The following DNAI3 variants were observed in gnomAD, a reference collection of about 807,000 sequenced individuals.
DNAI3 encodes dynein axonemal intermediate chain 3.
Under a neutral mutation model 115.5 loss-of-function variants are expected in DNAI3, and 83 were observed. The ratio of observed to expected loss-of-function variants is 0.72; its 90% confidence interval spans 0.60 to 0.86. DNAI3 has a LOEUF of 0.86. DNAI3 is among the 40% of genes least tolerant of loss of function. The probability of loss-of-function intolerance (pLI) is 0.00; values close to 1 mark genes in which losing one functional copy is unlikely to be tolerated. For synonymous variants in DNAI3, 320 were observed against 347.0 expected (o/e 0.92, Z 0.86); for missense variants, 1,004 against 1,075.8 (o/e 0.93, Z 0.93).
chr1:85,079,266 A>G (rs1429955149), intron 3 of DNAI3, among the ~76,000 whole-genome samples: 2 of 152,336 alleles, frequency 1.3e-5, no homozygotes, highest in East Asian at 3.9e-4. Flanking sequence ...CTTTTGAGGG[A>G]GATAAAAGTG....
intron 16 of DNAI3, among the ~76,000 whole-genome samples, chr1:85,113,583 G>A (rs1393030510): frequency 6.6e-6 from 1 of 151,510 alleles, no homozygotes; most frequent in Non-Finnish European, 1.5e-5. Context: ...ATACGACACT[G>A]TTTTGATTAT....
chr1:85,113,513 CAT>C (rs1261766791), intron 16 of DNAI3, among the ~76,000 whole-genome samples: 7 of 152,132 alleles, frequency 4.6e-5, no homozygotes, highest in Non-Finnish European at 7.4e-5. Context: ...AACACTTGTC[CAT>C]ATATATGTGA....
chr1:85,124,322 A>G (rs1656071840), intron 19 of DNAI3, 71 bp downstream of exon 19: 7 of 1,608,730 alleles, frequency 4.4e-6, no homozygotes, highest in Admixed American at 3.3e-5. Flanking sequence ...AGGAACTGTT[A>G]TGTTCTGACA....
rs1292533646 is a variant in DNAI3 at position 85,085,876 on chromosome 1, A to G, written c.586A>G (p.Ile196Val). 6.2e-7 allele frequency: 1 copy of G among 1,614,212 alleles called. No homozygotes were observed. ...SRKRSEFGAP[I>V]KFSDQNASSV... ...AAAACGAAGTGAATTTGGTGCACCAATTAAGTTCAGTGACCAGAATGCTTC... is the reference window on the plus strand; with the variant it reads ...AAAACGAAGTGAATTTGGTGCACCAGTTAAGTTCAGTGACCAGAATGCTTC... The change falls in exon 7 of 23, where the codon ATT (isoleucine) becomes GTT (valine). Residue 196 changes from isoleucine to valine, a missense_variant. Coordinates refer to ENST00000294664, the MANE Select transcript of DNAI3 (RefSeq NM_145172.5).
chr1:85,094,213 T>C, intron 9 of DNAI3: 1 of 586,380 alleles, frequency 1.7e-6, no homozygotes, highest in Non-Finnish European at 3.0e-6. Context: ...TATTTTATAC[T>C]AACAGTACAT....
intron 13 of DNAI3, among the ~76,000 whole-genome samples, chr1:85,104,043 C>G (rs983692749): frequency 2.6e-5 from 4 of 151,012 alleles, no homozygotes; most frequent in Non-Finnish European, 4.4e-5. Context: ...TGACAAAAGA[C>G]TAGACAAGAA....
chr1:85,071,914 A>G lies in DNAI3; in HGVS notation c.-14-14A>G. 1 of 1,594,000 alleles carries G rather than the reference A, an allele frequency of 6.3e-7. No individual in the cohort carries two copies. Among genetic ancestry groups the G allele is most frequent in the Non-Finnish European group, 8.5e-7 (1 of 1,175,180 alleles). ...ATTGTAACAATTTACTAATAATATC[A>G]TCTCTTTATGCAGCCCAAGTCAGAA... On this transcript the variant is annotated splice_polypyrimidine_tract_variant and intron_variant, in intron 1 of 22. Transcript: ENST00000294664.
intron 13 of DNAI3, among the ~76,000 whole-genome samples, chr1:85,101,259 C>A (rs1655300498): frequency 6.6e-6 from 1 of 152,064 alleles, no homozygotes; most frequent in Admixed American, 6.5e-5. Flanking sequence ...AGCAATGATA[C>A]TTTTAAAAGT....
intron 11 of DNAI3, 99 bp from the exon 12 acceptor site, chr1:85,097,470 T>C (rs1397345927): frequency 3.8e-6 from 4 of 1,044,718 alleles, no homozygotes; most frequent in African/African-American, 1.6e-5. Context: ...TCCCCTAAGG[T>C]GATTGACTTA....
At chr1:85,103,092 G>A (rs1016816048) in intron 13 of DNAI3, among the ~76,000 whole-genome samples, 24 of 152,064 alleles carry the variant, frequency 1.6e-4, no homozygotes, top group African/African-American at 5.8e-4. Context: ...CATGACCCAG[G>A]TGCCACCTAT....
chr1:85,118,710 C>G (rs1655904657), intron 17 of DNAI3, among the ~76,000 whole-genome samples: 1 of 152,132 alleles, frequency 6.6e-6, no homozygotes, highest in African/African-American at 2.4e-5. Context: ...CATGGTCCCT[C>G]TCTCCTCAAG....
intron 5 of DNAI3, among the ~76,000 whole-genome samples, chr1:85,083,068 T>C (rs1036744841): frequency 6.6e-6 from 1 of 152,214 alleles, no homozygotes; most frequent in Admixed American, 6.5e-5. Context: ...CTCTTTCCAA[T>C]CTTCCATTCC....
At position 85,067,880 on chromosome 1, in the gene DNAI3, A is replaced by G. The variant is rs575047612; in HGVS notation, c.-14-4048A>G. ...TCTGGAAAGAAAGGAATGCAGCCCC[A>G]CTGACTCTGGTTTAAGTCCAGTGAG... is the stretch of plus-strand genomic sequence containing the variant. On this transcript the variant is annotated intron_variant, in intron 1 of 22. Transcript: ENST00000294664. Among the ~76,000 whole-genome samples the G allele has an allele frequency of 2.6e-5, 4 of 152,350 alleles. No homozygotes were observed. The East Asian group carries it at 5.8e-4, about 22-fold the overall frequency.
chr1:85,084,562 A>C lies in DNAI3; in HGVS notation c.407A>C (p.Glu136Ala). 6 of 1,472,682 alleles carry C rather than the reference A, an allele frequency of 4.1e-6. No homozygotes were observed. The highest frequency in any genetic ancestry group is 5.4e-6 in the Non-Finnish European group (6 of 1,109,246). The allele number at this position is 1,472,682 out of a possible 1,614,324, so 91.2% of individuals were successfully genotyped here. Residue 136 changes from glutamate to alanine, a missense_variant, in exon 6 of 23, where the codon GAA (glutamate) becomes GCA (alanine). Glu to Ala is a moderately radical substitution (Grantham distance 107). Transcript: ENST00000294664. The stretch of plus-strand genomic sequence containing the variant: ...TTACTTTAGCCCCCAGAAGTACCAG[A>C]AGAACAAGAAGAATATAAAGAACAT... Reference protein sequence around the residue: ...ENYLNPPEVPEEQEEYKEHIP... With the variant: ...ENYLNPPEVPAEQEEYKEHIP...
intron 3 of DNAI3, among the ~76,000 whole-genome samples, chr1:85,077,320 T>C (rs1654486843): frequency 6.6e-6 from 1 of 152,102 alleles, no homozygotes; most frequent in Non-Finnish European, 1.5e-5. Context: ...AAAGGAATCA[T>C]AGACCTAAAG....
At chr1:85,120,452 G>A (rs977636221) in intron 17 of DNAI3, among the ~76,000 whole-genome samples, 1 of 152,206 alleles carries the variant, frequency 6.6e-6, no homozygotes, top group Non-Finnish European at 1.5e-5. Flanking sequence ...GGCTAGAGAA[G>A]GGTATAGAGG....
chr1:85,122,772 CATT>C (rs1656028234), intron 18 of DNAI3, among the ~76,000 whole-genome samples: 1 of 152,148 alleles, frequency 6.6e-6, no homozygotes, highest in African/African-American at 2.4e-5. Context: ...ATTCAGAAAA[CATT>C]AGTATAAAGT....
chr1:85,072,636 C>A (rs1283018298), intron 2 of DNAI3, among the ~76,000 whole-genome samples: 28 of 130,638 alleles, frequency 2.1e-4, no homozygotes, highest in Middle Eastern at 4.8e-3. Flanking sequence ...ACTGAGACTC[C>A]ATCTCAAAAA....
At chr1:85,132,704 C>T in intron 22 of DNAI3, 151 bp from the exon 23 acceptor site, 2 of 851,892 alleles carry the variant, frequency 2.3e-6, no homozygotes, top group South Asian at 1.9e-5. Flanking sequence ...CTGCCTCCTG[C>T]CCACCTGCCC....
Sources: allele counts gnomAD v4.1 joint callset (sites outside exome capture counted in the v4.1 genomes callset), GRCh38; gene constraint gnomAD v4.1.1; transcripts MANE v1.5; gene names NCBI Gene and HGNC (gene_info 2026-07-23, HGNC 2026-07-21).